SLC2A14: variants seen among roughly 807,000 people sequenced by gnomAD.
SLC2A14 encodes the protein solute carrier family 2 member 14.
SLC2A14 carries 13 observed loss-of-function variants against 43.0 expected under a neutral mutation model. The observed-to-expected ratio is 0.30, with a 90% CI of 0.20 to 0.48. The LOEUF (loss-of-function observed/expected upper bound fraction) is 0.48. Ranked by LOEUF, SLC2A14 falls within the 20% of genes least tolerant of loss-of-function variation. SLC2A14 has a pLI of 0.99. For synonymous variants in SLC2A14, 190 were observed against 233.8 expected, an observed-to-expected ratio of 0.81 and a Z score of 1.71; for missense variants, 428 against 620.4, an observed-to-expected ratio of 0.69 and a Z score of 3.29.
At chr12:7,886,658 G>C (rs1314941961) in intron 1 of SLC2A14, among the ~76,000 whole-genome samples, 1 of 152,038 alleles carries the variant, frequency 6.6e-6, no homozygotes, top group Non-Finnish European at 1.5e-5. Flanking sequence ...GGTAATTGGA[G>C]AGTAACTCTA....
chr12:7,851,471 C>A (rs1339262879), intron 2 of SLC2A14, among the ~76,000 whole-genome samples: 1 of 152,096 alleles, frequency 6.6e-6, no homozygotes, highest in African/African-American at 2.4e-5. Context: ...ATGTTTGGGT[C>A]TGGAACATAT....
chr12:7,874,493 G>A (rs1343266906), upstream of SLC2A14, among the ~76,000 whole-genome samples: 3 of 151,570 alleles, frequency 2.0e-5, no homozygotes, highest in African/African-American at 7.3e-5. Flanking sequence ...CCAACATGGT[G>A]AAACCCCGTC....
At chr12:7,862,505 G>C (rs1006889204) in intron 2 of SLC2A14, among the ~76,000 whole-genome samples, 1 of 151,956 alleles carries the variant, frequency 6.6e-6, no homozygotes, top group Non-Finnish European at 1.5e-5. Flanking sequence ...GAGCCTCCCC[G>C]ACGAATGCCG....
chr12:7,845,296 T>C (rs1392368126), intron 2 of SLC2A14, among the ~76,000 whole-genome samples: 1 of 152,156 alleles, frequency 6.6e-6, no homozygotes, highest in Non-Finnish European at 1.5e-5. Flanking sequence ...ACCAACTTGA[T>C]TTAGTCTATT....
intron 1 of SLC2A14, chr12:7,872,232 C>T (rs1056116131): frequency 6.6e-6 from 1 of 152,182 alleles, no homozygotes; most frequent in Non-Finnish European, 1.5e-5. Flanking sequence ...TCATCTTGCA[C>T]AAATCTACAA....
intron 1 of SLC2A14, among the ~76,000 whole-genome samples, chr12:7,886,226 A>G (rs980744940): frequency 2.1e-5 from 3 of 140,598 alleles, no homozygotes; most frequent in Admixed American, 7.9e-5. Context: ...CAGTGATGCA[A>G]TCATGGCTCA....
intron 1 of SLC2A14, among the ~76,000 whole-genome samples, chr12:7,870,427 C>T (rs949359424): frequency 6.6e-6 from 1 of 152,128 alleles, no homozygotes; most frequent in African/African-American, 2.4e-5. Flanking sequence ...AGTTGGAAGT[C>T]GTGATTCTGC....
intron 7 of SLC2A14, among the ~76,000 whole-genome samples, chr12:7,826,879 T>TCCTTCCTTCCTTC (rs1864449095): frequency 8.2e-5 from 5 of 60,916 alleles, no homozygotes; most frequent in Admixed American, 1.6e-4. Flanking sequence ...CTTTCTTTCT[T>TCCTTCCTTCCTTC]TCTTTCTTTC....
chr12:7,813,631 G>A lies in SLC2A14; in HGVS notation c.*685C>T, dbSNP rs1021399028. ...AGAAATTGTTAAGAGGTAATGTACA[G>A]ACCTCAGGCACCACATCATTTACCC... On this transcript the variant is annotated 3_prime_UTR_variant, in exon 11 of 11. Transcript: ENST00000431042. The A allele has an allele frequency of 6.6e-6, 1 of 152,492 alleles. No homozygotes were observed. The highest frequency in any genetic ancestry group is 1.5e-5 in the Non-Finnish European group (1 of 68,298). The allele number at this position is 152,492 out of a possible 1,614,324, so 9.4% of individuals were successfully genotyped here.
upstream of SLC2A14, chr12:7,873,468 CCA>C (rs1248357760): frequency 2.3e-5 from 12 of 525,724 alleles, no homozygotes; most frequent in Non-Finnish European, 2.9e-5. Flanking sequence ...ATGGCGAAAC[CCA>C]GTCTTTACTA....
Position 7,816,351 on chromosome 12 carries a change from G to A in SLC2A14, c.1275+1480C>T, listed in dbSNP as rs1159772058. 4.1e-5 allele frequency among the ~76,000 whole-genome samples: 2 copies of A among 48,508 alleles called. 1 individual carries two copies. The highest frequency in any genetic ancestry group is 8.0e-5 in the Non-Finnish European group (2 of 24,948). The allele number at this position is 48,508 out of a possible 152,430, so 31.8% of individuals were successfully genotyped here. A position where few individuals can be genotyped will look rare whatever the true frequency, so the allele number is the denominator to read the frequency against. Reference sequence around the variant, plus strand: ...GATCTCCTGACCTCATGATCCACCCGCCTCGGCCTCCCAAAGTGCTGGGAT... The same window carrying A: ...GATCTCCTGACCTCATGATCCACCCACCTCGGCCTCCCAAAGTGCTGGGAT... On this transcript the variant is annotated intron_variant, in intron 10 of 10. Transcript: ENST00000431042.
upstream of SLC2A14, chr12:7,873,188 T>G (rs765613452): frequency 1.0e-6 from 1 of 985,522 alleles, no homozygotes; most frequent in Non-Finnish European, 1.2e-6. Context: ...GGAAACAGTT[T>G]TGGGACCCAC....
intron 5 of SLC2A14, 44 bp downstream of exon 5, chr12:7,829,722 C>G (rs746111121): frequency 6.2e-7 from 1 of 1,605,830 alleles, no homozygotes; most frequent in Non-Finnish European, 8.5e-7. Flanking sequence ...TTTTTAATGA[C>G]CCATGAAACT....
intron 7 of SLC2A14, among the ~76,000 whole-genome samples, chr12:7,826,184 A>G (rs1592164413): frequency 6.6e-6 from 1 of 150,726 alleles, no homozygotes; most frequent in Non-Finnish European, 1.5e-5. Flanking sequence ...CATCAAAATC[A>G]CCTAGGAGGC....
chr12:7,848,680 C>T (rs911444558), intron 2 of SLC2A14, among the ~76,000 whole-genome samples: 3 of 151,704 alleles, frequency 2.0e-5, no homozygotes, highest in East Asian at 1.9e-4. Flanking sequence ...CTCAGCCTCC[C>T]GAGTAGCTGG....
At chr12:7,844,194 C>T (rs758150724) in intron 2 of SLC2A14, among the ~76,000 whole-genome samples, 5 of 152,214 alleles carry the variant, frequency 3.3e-5, no homozygotes, top group East Asian at 1.9e-4. Context: ...TTTTTACTTC[C>T]GCCATCATCA....
upstream of SLC2A14, chr12:7,873,131 G>T (rs1057475554): frequency 3.0e-6 from 3 of 985,438 alleles, no homozygotes; most frequent in African/African-American, 1.7e-5. Context: ...CCCTCCGAGC[G>T]CCCCCTCAGG....
chr12:7,834,563 CAAAA>C (rs34192898), intron 2 of SLC2A14, among the ~76,000 whole-genome samples: 1 of 121,370 alleles, frequency 8.2e-6, no homozygotes, highest in African/African-American at 3.2e-5. Context: ...CCTTCTCTAT[CAAAA>C]AAAAAAAAAA....
intron 2 of SLC2A14, among the ~76,000 whole-genome samples, chr12:7,866,963 CAG>C (rs1944945974): frequency 2.0e-5 from 3 of 148,464 alleles, no homozygotes; most frequent in South Asian, 2.1e-4. Flanking sequence ...TTTTTTGAGA[CAG>C]AGTTTCACTT....
Sources: gnomAD v4.1 joint callset for allele counts (sites outside exome capture counted in the v4.1 genomes callset) on GRCh38, gnomAD v4.1.1 for gene constraint, MANE v1.5 for transcripts, NCBI Gene and HGNC (gene_info 2026-07-23, HGNC 2026-07-21) for gene names.